The following FBXO41 variants were observed in gnomAD, a reference collection of about 807,000 sequenced individuals.
The protein encoded by FBXO41 is F-box protein 41.
In FBXO41, 33 loss-of-function variants were observed where a neutral mutation model predicts 81.6. That is an observed-to-expected ratio of 0.40 (90% CI 0.31 to 0.54). The LOEUF (loss-of-function observed/expected upper bound fraction) is 0.54, where lower values mean the gene tolerates loss of function less well. Ranked by LOEUF, FBXO41 falls within the 20% of genes least tolerant of loss-of-function variation. The pLI is 0.39. For missense variants in FBXO41, 1,107 were observed against 1,236.0 expected (o/e 0.90, Z 1.56); for synonymous variants, 576 against 552.7 (o/e 1.04, Z -0.59).
intron 1 of FBXO41, chr2:73,271,628 C>CA (rs1558589836): frequency 1.4e-5 from 2 of 146,226 alleles, no homozygotes; most frequent in African/African-American, 5.2e-5. Flanking sequence ...TGCACTCCCC[C>CA]CCCCCCAACT....
intron 1 of FBXO41, among the ~76,000 whole-genome samples, chr2:73,274,997 C>T (rs1320159597): frequency 6.6e-6 from 1 of 151,954 alleles, no homozygotes; most frequent in Non-Finnish European, 1.5e-5. Flanking sequence ...TCACGCCATT[C>T]TCCTGCCTCA....
At chr2:73,262,817 C>T (rs145092627) in intron 9 of FBXO41, among the ~76,000 whole-genome samples, 8,970 of 152,272 alleles carry the variant, frequency 0.059, 547 homozygotes, top group African/African-American at 0.15. Flanking sequence ...ACGATCTCGG[C>T]TCACTGCAAC....
Position 73,264,539 on chromosome 2 carries a change from C to T in FBXO41, c.1565-20G>A. On this transcript the variant is annotated intron_variant, in intron 5 of 12. Transcript: ENST00000520530. The stretch of plus-strand genomic sequence containing the variant: ...GGCGGGCTGCAGAATACCAGGGGTT[C>T]AAAAGTGAGCGTGGAGGGTCAAGGC... The T allele has an allele frequency of 6.2e-7, 1 of 1,612,242 alleles. No homozygotes were observed. Among genetic ancestry groups the T allele is most frequent in the Non-Finnish European group, 8.5e-7 (1 of 1,179,616 alleles).
intron 1 of FBXO41, among the ~76,000 whole-genome samples, chr2:73,283,846 G>A (rs1490964053): frequency 2.6e-5 from 4 of 152,070 alleles, no homozygotes; most frequent in Non-Finnish European, 5.9e-5. Context: ...CCCTCCCTCT[G>A]GCCCCTGTTC....
chr2:73,260,086 G>T lies in FBXO41; in HGVS notation c.2449+303C>A, dbSNP rs529690313. On this transcript the variant is annotated intron_variant, in intron 11 of 12. Transcript: ENST00000520530. The surrounding 1 kb of genome is among the most constrained non-coding windows in gnomAD (Gnocchi z 5.0). The stretch of plus-strand genomic sequence containing the variant: ...CACCCTGAGAACTGTCCTTGGGGGG[G>T]CTTCCATATATCATCTCATTTAATC... Among the ~76,000 whole-genome samples, 1 of 151,212 alleles carries T rather than the reference G, an allele frequency of 6.6e-6. No homozygotes were observed. Among genetic ancestry groups the T allele is most frequent in the Non-Finnish European group, 1.5e-5 (1 of 67,976 alleles).
In FBXO41 at chr2:73,263,804, G is replaced by A; in HGVS notation, c.1949C>T (p.Ser650Phe). 1 of 1,614,036 alleles carries A rather than the reference G, an allele frequency of 6.2e-7. No homozygotes were observed. Among genetic ancestry groups the A allele is most frequent in the South Asian group, 1.1e-5 (1 of 91,084 alleles). ...GTTCCCCCCAGCTGCCTTCAGCAGG[G>A]ACTCCAGCCCAGCTTCCAGGCAGCC... ...TRGCLEAGLE[S>F]LLKAAGGNLL... is the part of the protein sequence containing the mutation. Residue 650 changes from serine (S) to phenylalanine (F), a missense_variant, in exon 8 of 13, where the codon TCC becomes TTC. Around this residue, in one of 2 missense-constraint regions of FBXO41, gnomAD observed 336 missense variants for 446.7 expected, o/e 0.75. Transcript: ENST00000520530.
rs1688144928 is a variant in FBXO41 at position 73,264,371 on chromosome 2, A to T, written c.1713T>A (p.His571Gln). 2.5e-6 allele frequency: 4 copies of T among 1,613,670 alleles called. No homozygotes were observed. In the Admixed American group the frequency reaches 6.7e-5, roughly 27 times the overall value. The change falls in exon 6 of 13, where the codon CAT becomes CAA. Residue 571 changes from histidine to glutamine, a missense_variant. By Grantham distance (24) the His-to-Gln change is conservative. This residue lies in a region of FBXO41 where 336 missense variants were observed against 446.7 expected (regional missense o/e 0.75). Transcript: ENST00000520530. ...GCCAGTCCCGGCAGACCTCGGCAGC[A>T]TGCAGCAGTGTGCGCGTGTCCAGGT... ...FTYLDTRTLL[H>Q]AAEVCRDWRF...
At chr2:73,278,518 T>A (rs1351972936) in intron 1 of FBXO41, among the ~76,000 whole-genome samples, 1 of 152,234 alleles carries the variant, frequency 6.6e-6, no homozygotes, top group Non-Finnish European at 1.5e-5. Context: ...CTAGGTTTGT[T>A]GAGGACAAAG....
Position 73,260,584 on chromosome 2 carries a change from TC to T in FBXO41, c.2291-38del, listed in dbSNP as rs1352997490. The T allele has an allele frequency of 1.3e-5, 21 of 1,560,214 alleles. No individual in the cohort carries two copies. In the Admixed American group the frequency reaches 1.9e-4, roughly 14 times the overall value. ...AAGAAGGGGGATCCTGCTGACACAC[TC>T]CCCAGGTCACCCCTGCAGCCAGCAC... On this transcript the variant is annotated intron_variant, in intron 10 of 12. Transcript: ENST00000520530. This position sits in a 1 kb window ranked among gnomAD's most constrained non-coding sequence, Gnocchi z 5.0.
In FBXO41 at chr2:73,263,849, T is replaced by A. The variant is rs927238235; in HGVS notation, c.1923-19A>T. On this transcript the variant is annotated intron_variant, in intron 7 of 12. Transcript: ENST00000520530. ...GCAGCCCCTGGGGATGACCAAGAGGTCAGAGAGCTGGCAACCTCCTCCTCT... is the reference window on the plus strand; with the variant it reads ...GCAGCCCCTGGGGATGACCAAGAGGACAGAGAGCTGGCAACCTCCTCCTCT... 6.2e-7 allele frequency: 1 copy of A among 1,613,808 alleles called. No homozygotes were observed. Among genetic ancestry groups the A allele is most frequent in the African/African-American group, 1.3e-5 (1 of 74,902 alleles).
intron 9 of FBXO41, among the ~76,000 whole-genome samples, chr2:73,261,593 T>G (rs1688023035): frequency 6.6e-6 from 1 of 152,234 alleles, no homozygotes; most frequent in African/African-American, 2.4e-5. Flanking sequence ...GTCTCTTTGG[T>G]GGCAGAAGTT....
Position 73,265,365 on chromosome 2 carries a change from G to A in FBXO41, c.1481C>T (p.Thr494Ile). 1 of 1,611,972 alleles carries A rather than the reference G, an allele frequency of 6.2e-7. No individual in the cohort carries two copies. The highest frequency in any genetic ancestry group is 1.1e-5 in the South Asian group (1 of 91,080). Residue 494 changes from threonine (T) to isoleucine (I), a missense_variant, in exon 5 of 13, where the codon ACT becomes ATT. Transcript: ENST00000520530. ...CAACGGGCCCTCAGCCTCTGACTCAGTGGTTCGGGAGCCAACGTCGGAGAC... is the reference window on the plus strand; with the variant it reads ...CAACGGGCCCTCAGCCTCTGACTCAATGGTTCGGGAGCCAACGTCGGAGAC... ...GDVSDVGSRT[T>I]ESEAEGPLDA...
chr2:73,260,049 G>A lies in FBXO41; in HGVS notation c.2449+340C>T, dbSNP rs997148177. ...GGAGGTATGATCTGGAGTCCAGGGA[G>A]AGAGGAGTCTTCACCCTGAGAACTG... is the stretch of plus-strand genomic sequence containing the variant. On this transcript the variant is annotated intron_variant, in intron 11 of 12. Transcript: ENST00000520530. The surrounding 1 kb of genome is among the most constrained non-coding windows in gnomAD (Gnocchi z 5.0). 1.3e-5 allele frequency among the ~76,000 whole-genome samples: 2 copies of A among 152,104 alleles called. No individual in the cohort carries two copies. Among genetic ancestry groups the A allele is most frequent in the African/African-American group, 4.8e-5 (2 of 41,406 alleles).
rs1034121398 is a variant in FBXO41, at chr2:73,269,437, G to A, written c.194C>T (p.Pro65Leu). 9.0e-6 allele frequency: 12 copies of A among 1,340,412 alleles called. No homozygotes were observed. The highest frequency in any genetic ancestry group is 1.5e-5 in the African/African-American group (1 of 65,028). 83.0% of individuals were successfully genotyped at this position (1,340,412 alleles called of 1,614,324 possible). A position where few individuals can be genotyped will look rare whatever the true frequency, so the allele number is the denominator to read the frequency against. ...AAAAAAASGF[P>L]LAPEPAALLA... is the part of the protein sequence containing the mutation. ...CAGGGCGGCGGGCTCGGGAGCCAGC[G>A]GGAACCCCGAGGCAGCGGCGGCGGC... The change falls in exon 2 of 13, where the codon CCG (proline) becomes CTG (leucine). Residue 65 changes from proline to leucine, a missense_variant. Physicochemically the swap from Pro to Leu is moderately conservative, Grantham distance 98. Around this residue, in one of 2 missense-constraint regions of FBXO41, gnomAD observed 771 missense variants for 789.2 expected, o/e 0.98. Coordinates refer to ENST00000520530, the MANE Select transcript of FBXO41 (RefSeq NM_001371389.2). This position sits in a 1 kb window ranked among gnomAD's most constrained non-coding sequence, Gnocchi z 7.0.
In FBXO41 at chr2:73,266,814, C is replaced by A. The variant is rs902107670; in HGVS notation, c.906-132G>T. On this transcript the variant is annotated intron_variant, in intron 2 of 12. Transcript: ENST00000520530. This position sits in a 1 kb window ranked among gnomAD's most constrained non-coding sequence, Gnocchi z 5.3. ...GTGTCTGCTTATGGTCACATGGGTT[C>A]CTGCAGAACAGGCCTAGCACACAGC... 7.3e-7 allele frequency: 1 copy of A among 1,366,044 alleles called. No individual in the cohort carries two copies. The highest frequency in any genetic ancestry group is 2.9e-5 in the East Asian group (1 of 34,916). The allele number at this position is 1,366,044 out of a possible 1,614,324, so 84.6% of individuals were successfully genotyped here.
At chr2:73,278,403 A>G (rs1688754351) in intron 1 of FBXO41, among the ~76,000 whole-genome samples, 1 of 152,192 alleles carries the variant, frequency 6.6e-6, no homozygotes, top group African/African-American at 2.4e-5. Flanking sequence ...CCAAATCTGC[A>G]TTTCTAGCCT....
At chr2:73,283,853 G>T (rs1276706272) in intron 1 of FBXO41, among the ~76,000 whole-genome samples, 5 of 152,048 alleles carry the variant, frequency 3.3e-5, no homozygotes, top group African/African-American at 1.2e-4. Flanking sequence ...TCTGGCCCCT[G>T]TTCTCCAAGG....
Position 73,269,660 on chromosome 2 carries a change from C to G in FBXO41, c.-30G>C. 1 of 1,153,060 alleles carries G rather than the reference C, an allele frequency of 8.7e-7. No homozygotes were observed. The allele number at this position is 1,153,060 out of a possible 1,614,324, so 71.4% of individuals were successfully genotyped here. On this transcript the variant is annotated 5_prime_UTR_variant, in exon 2 of 13. Coordinates refer to ENST00000520530, the MANE Select transcript of FBXO41 (RefSeq NM_001371389.2). The surrounding 1 kb of genome is among the most constrained non-coding windows in gnomAD (Gnocchi z 7.0). ...CCGCCGCCCCCGCGGCACGCGGGCTCCACCGCGGCCGCCCCGCCGGTCAGC... is the reference window on the plus strand; with the variant it reads ...CCGCCGCCCCCGCGGCACGCGGGCTGCACCGCGGCCGCCCCGCCGGTCAGC...
rs1456941263 is a variant in FBXO41 at position 73,256,408 on chromosome 2, G to A, written c.*2574C>T. The A allele has an allele frequency of 1.3e-5, 2 of 152,378 alleles. No homozygotes were observed. The highest frequency in any genetic ancestry group is 2.9e-5 in the Non-Finnish European group (2 of 68,182). The allele number at this position is 152,378 out of a possible 1,614,324, so 9.4% of individuals were successfully genotyped here. A position where few individuals can be genotyped will look rare whatever the true frequency, so the allele number is the denominator to read the frequency against. On this transcript the variant is annotated 3_prime_UTR_variant, in exon 13 of 13. Transcript: ENST00000520530. ...TCCCCGAGGAGAGAACAAAAGAAGA[G>A]CGTCAAGGGGCTGGTGGGGCAGGGG...
Sources: allele counts gnomAD v4.1 joint callset (sites outside exome capture counted in the v4.1 genomes callset), GRCh38; gene constraint gnomAD v4.1.1; regional missense constraint gnomAD v4.1.1; non-coding constraint Gnocchi (gnomAD v3.1); transcripts MANE v1.5; gene names NCBI Gene and HGNC (gene_info 2026-07-23, HGNC 2026-07-21).